Variants in ZNF680 observed in about 807,000 individuals in gnomAD.
ZNF680 encodes hypothetical protein FLJ90430.
Under a neutral mutation model 12.1 loss-of-function variants are expected in ZNF680, and 6 were observed. That is an observed-to-expected ratio of 0.49 (90% CI 0.27 to 0.98). The LOEUF is 0.98. ZNF680 is among the 50% of genes least tolerant of loss of function. The pLI is 0.12. For synonymous variants in ZNF680, 170 were observed against 199.3 expected (o/e 0.85, Z 1.24); for missense variants, 561 against 616.3 (o/e 0.91, Z 0.95).
At chr7:64,547,472 C>G (rs1373030208) in intron 1 of ZNF680, among the ~76,000 whole-genome samples, 1 of 152,202 alleles carries the variant, frequency 6.6e-6, no homozygotes, top group Non-Finnish European at 1.5e-5. Flanking sequence ...GTTTATTAAG[C>G]AGGTACTATG....
At chr7:64,512,950 T>C in the ZNF680 span, among the ~76,000 whole-genome samples, 1 of 152,212 alleles carries the variant, frequency 6.6e-6, no homozygotes, top group Non-Finnish European at 1.5e-5. Context: ...ATAAATGTCT[T>C]CAAAATGTAA....
the ZNF680 span, among the ~76,000 whole-genome samples, chr7:64,504,295 A>G: frequency 6.6e-6 from 1 of 152,232 alleles, no homozygotes. Context: ...ACGTGCTGCT[A>G]TCGCTGTTTA....
chr7:64,507,095 T>C, the ZNF680 span, among the ~76,000 whole-genome samples: 2 of 152,150 alleles, frequency 1.3e-5, no homozygotes, highest in Non-Finnish European at 2.9e-5. Flanking sequence ...GTATAAACAA[T>C]GAAATACTAT....
chr7:64,504,182 T>C, the ZNF680 span, among the ~76,000 whole-genome samples: 1 of 152,204 alleles, frequency 6.6e-6, no homozygotes, highest in Non-Finnish European at 1.5e-5. Context: ...TATTAAAAGT[T>C]GCATTTTAAA....
chr7:64,522,462 G>A lies in ZNF680; in HGVS notation c.292C>T (p.His98Tyr), dbSNP rs1297238362. 6.3e-7 allele frequency: 1 copy of A among 1,576,234 alleles called. No individual in the cohort carries two copies. The highest frequency in any genetic ancestry group is 8.6e-7 in the Non-Finnish European group (1 of 1,163,278). The change falls in exon 4 of 4, where the codon CAT (histidine) becomes TAT (tyrosine). Residue 98 changes from histidine to tyrosine, a missense_variant. Physicochemically the swap from His to Tyr is moderately conservative, Grantham distance 83. Coordinates refer to ENST00000309683, the MANE Select transcript of ZNF680 (RefSeq NM_178558.5). ...SHFTEDLWPE[H>Y]SIKDSFQKVI... Reference sequence around the variant, plus strand: ...TTTTGAAAAGAATCTTTTATGCTATGCTCTGGCCAAAGGTCTTCAGTGAAA... The same window carrying A: ...TTTTGAAAAGAATCTTTTATGCTATACTCTGGCCAAAGGTCTTCAGTGAAA...
At chr7:64,506,193 A>ATT in the ZNF680 span, among the ~76,000 whole-genome samples, 8 of 105,570 alleles carry the variant, frequency 7.6e-5, no homozygotes, top group African/African-American at 2.5e-4. Context: ...AGTCTTTTAG[A>ATT]TTTTTTTTTT....
chr7:64,554,290 A>C (rs528280689), intron 1 of ZNF680, among the ~76,000 whole-genome samples: 13 of 149,974 alleles, frequency 8.7e-5, no homozygotes, highest in African/African-American at 3.2e-4. Flanking sequence ...CCGTCTGGGA[A>C]GTGAGGAGCG....
the ZNF680 span, among the ~76,000 whole-genome samples, chr7:64,504,586 A>C: frequency 0.01 from 1,599 of 152,306 alleles, 29 homozygotes; most frequent in African/African-American, 0.036. Context: ...ACTTTTTATA[A>C]TATGGAAGAA....
the ZNF680 span, among the ~76,000 whole-genome samples, chr7:64,510,724 A>AG: frequency 8.3e-6 from 1 of 120,012 alleles, no homozygotes; most frequent in South Asian, 2.9e-4. Flanking sequence ...TCCCGGCTAA[A>AG]ATGGTGAAAC....
chr7:64,514,899 C>T (rs968398794), downstream of ZNF680, among the ~76,000 whole-genome samples: 6 of 152,156 alleles, frequency 3.9e-5, no homozygotes, highest in East Asian at 9.7e-4. Context: ...CAAAATTAGC[C>T]GGGCGTGGTC....
At chr7:64,508,102 A>AAT in the ZNF680 span, among the ~76,000 whole-genome samples, 16 of 127,398 alleles carry the variant, frequency 1.3e-4, no homozygotes, top group Middle Eastern at 3.8e-3. Context: ...AAGTTATTTG[A>AAT]ATATATATAT....
In ZNF680 at chr7:64,532,254, G is replaced by A. The variant is rs141429708; in HGVS notation, c.254-9754C>T. Among the ~76,000 whole-genome samples the A allele has an allele frequency of 7.3e-3, 1,108 of 150,906 alleles. 12 individuals are homozygous for A. The highest frequency in any genetic ancestry group is 0.024 in the African/African-American group (1,007 of 41,110). Reference sequence around the variant, plus strand: ...TGGGAGGCAGAGCTTGCAGTGAGCCGAGATCGTACCACTGCACTCCAGCCT... The same window carrying A: ...TGGGAGGCAGAGCTTGCAGTGAGCCAAGATCGTACCACTGCACTCCAGCCT... On this transcript the variant is annotated intron_variant, in intron 3 of 3. Coordinates refer to ENST00000309683, the MANE Select transcript of ZNF680 (RefSeq NM_178558.5).
chr7:64,502,010 T>C, the ZNF680 span, among the ~76,000 whole-genome samples: 1 of 112,896 alleles, frequency 8.9e-6, no homozygotes, highest in African/African-American at 3.6e-5. Context: ...TTTTTTTTTT[T>C]TTTTTTTTTC....
At chr7:64,522,820 T>C (rs779762547) in intron 3 of ZNF680, among the ~76,000 whole-genome samples, 3 of 151,888 alleles carry the variant, frequency 2.0e-5, no homozygotes, top group African/African-American at 4.8e-5. Context: ...ACCAGTGAAT[T>C]TGTCAAGAAA....
the ZNF680 span, among the ~76,000 whole-genome samples, chr7:64,508,803 C>T: frequency 6.6e-6 from 1 of 152,114 alleles, no homozygotes; most frequent in East Asian, 1.9e-4. Flanking sequence ...GCCTCCTATC[C>T]CTTCTTTGTA....
intron 1 of ZNF680, among the ~76,000 whole-genome samples, chr7:64,561,870 G>A (rs1787756162): frequency 6.8e-6 from 1 of 147,536 alleles, no homozygotes; most frequent in Non-Finnish European, 1.5e-5. Context: ...AGGAGGCGGA[G>A]CTTGCAGTGA....
At chr7:64,524,251 G>A (rs954512477) in intron 3 of ZNF680, among the ~76,000 whole-genome samples, 47 of 151,156 alleles carry the variant, frequency 3.1e-4, no homozygotes, top group African/African-American at 1.1e-3. Context: ...GGGTTCAAGC[G>A]ATTCTCCTGC....
chr7:64,537,786 C>T (rs552875171), intron 3 of ZNF680, among the ~76,000 whole-genome samples: 8 of 152,018 alleles, frequency 5.3e-5, no homozygotes, highest in Non-Finnish European at 8.8e-5. Flanking sequence ...AACAATTAGC[C>T]GGGCGTGGTG....
At chr7:64,514,033 C>T in the ZNF680 span, among the ~76,000 whole-genome samples, 2 of 152,050 alleles carry the variant, frequency 1.3e-5, no homozygotes, top group South Asian at 2.1e-4. Context: ...AAATAACTTA[C>T]GGTAATTTAA....
Sources: gnomAD v4.1 joint callset for allele counts (sites outside exome capture counted in the v4.1 genomes callset) on GRCh38, gnomAD v4.1.1 for gene constraint, MANE v1.5 for transcripts, NCBI Gene and HGNC (gene_info 2026-07-23, HGNC 2026-07-21) for gene names.